Variants in SDHAF3 observed in about 807,000 individuals in gnomAD.
SDHAF3 encodes the protein succinate dehydrogenase assembly factor 3, mitochondrial.
SDHAF3 carries 18 observed loss-of-function variants against 11.5 expected under a neutral mutation model. The observed-to-expected ratio is 1.56, with a 90% CI of 1.08 to 2.32. The LOEUF (loss-of-function observed/expected upper bound fraction) is 2.32. SDHAF3 is among the 30% of genes most tolerant of loss of function. The pLI is 0.00. For synonymous variants in SDHAF3, 72 were observed against 59.3 expected, an observed-to-expected ratio of 1.21 and a Z score of -0.99; for missense variants, 200 against 154.4, an observed-to-expected ratio of 1.30 and a Z score of -1.57.
chr7:97,141,175 C>G (rs1223786247), intron 1 of SDHAF3, among the ~76,000 whole-genome samples: 1 of 152,156 alleles, frequency 6.6e-6, no homozygotes. Context: ...CGGTTGTCTG[C>G]TCTCAAACAC....
intron 1 of SDHAF3, among the ~76,000 whole-genome samples, chr7:97,118,260 T>C (rs1178204257): frequency 6.6e-6 from 1 of 152,230 alleles, no homozygotes; most frequent in Non-Finnish European, 1.5e-5. Flanking sequence ...AATAAATTAA[T>C]GGTTCTCTTA....
chr7:97,157,687 A>G (rs1044122625), intron 1 of SDHAF3, among the ~76,000 whole-genome samples: 1 of 152,156 alleles, frequency 6.6e-6, no homozygotes, highest in East Asian at 1.9e-4. Flanking sequence ...TTGTGGCACT[A>G]TTCACAATAG....
At chr7:97,151,658 C>G (rs1789225637) in intron 1 of SDHAF3, among the ~76,000 whole-genome samples, 1 of 152,022 alleles carries the variant, frequency 6.6e-6, no homozygotes, top group Non-Finnish European at 1.5e-5. Flanking sequence ...GCCACCATGC[C>G]TGGCTAATTT....
chr7:97,126,342 C>T (rs928694517), intron 1 of SDHAF3, among the ~76,000 whole-genome samples: 4 of 152,238 alleles, frequency 2.6e-5, no homozygotes, highest in Non-Finnish European at 5.9e-5. Flanking sequence ...TGCGAAAGCC[C>T]TCCTTGTCAG....
chr7:97,122,171 T>C (rs1791511673), intron 1 of SDHAF3, among the ~76,000 whole-genome samples: 1 of 152,174 alleles, frequency 6.6e-6, no homozygotes, highest in African/African-American at 2.4e-5. Flanking sequence ...AGTATGACTT[T>C]TTTCCAGGAA....
chr7:97,117,974 T>G lies in SDHAF3; in HGVS notation c.174+77T>G. 1.9e-6 allele frequency: 3 copies of G among 1,546,056 alleles called. No homozygotes were observed. The South Asian group carries it at 3.6e-5, about 19-fold the overall frequency. ...CCAGGTTTCTAGTTCCAGTCCCCCA[T>G]GCGGGGTTAAACAGAGCAGCAACCT... On this transcript the variant is annotated intron_variant, in intron 1 of 1. Transcript: ENST00000432641.
intron 1 of SDHAF3, among the ~76,000 whole-genome samples, chr7:97,152,867 A>T (rs1245487501): frequency 3.9e-5 from 6 of 152,140 alleles, no homozygotes; most frequent in Non-Finnish European, 8.8e-5. Flanking sequence ...CATCTTGGCC[A>T]GTCTTGAACT....
At chr7:97,172,890 A>C (rs955893695) in intron 1 of SDHAF3, among the ~76,000 whole-genome samples, 3 of 152,266 alleles carry the variant, frequency 2.0e-5, no homozygotes, top group African/African-American at 7.2e-5. Flanking sequence ...GCTTTATCAA[A>C]GAACTGTAAG....
rs952997466 is a variant in SDHAF3, at chr7:97,117,897, G to T, written c.174G>T (p.Glu58Asp). Residue 58 changes from glutamate to aspartate, a missense_variant and splice_region_variant, in exon 1 of 2, where the codon GAG (glutamate) becomes GAT (aspartate). Glu to Asp is a conservative substitution (Grantham distance 45). Coordinates refer to ENST00000432641, the MANE Select transcript of SDHAF3 (RefSeq NM_020186.3). ...DEAQRFLQEW[E>D]VYATALLQQA... ...CACAGCGTTTCTTGCAAGAATGGGAGGCAAGTGACGCTCCCTTCTCTTTGC... is the reference window on the plus strand; with the variant it reads ...CACAGCGTTTCTTGCAAGAATGGGATGCAAGTGACGCTCCCTTCTCTTTGC... The T allele has an allele frequency of 6.2e-7, 1 of 1,613,740 alleles. No homozygotes were observed. Among genetic ancestry groups the T allele is most frequent in the Non-Finnish European group, 8.5e-7 (1 of 1,179,766 alleles).
chr7:97,156,365 G>A (rs1395026290), intron 1 of SDHAF3, among the ~76,000 whole-genome samples: 4 of 152,156 alleles, frequency 2.6e-5, no homozygotes, highest in African/African-American at 7.2e-5. Context: ...CATATCAGGT[G>A]TACATTATTG....
chr7:97,137,868 CTTTTTTTTT>C (rs11381462), intron 1 of SDHAF3, among the ~76,000 whole-genome samples: 1 of 69,108 alleles, frequency 1.4e-5, no homozygotes, highest in African/African-American at 6.1e-5. Context: ...ATTCCATTCG[CTTTTTTTTT>C]TTTTTTTTTT....
chr7:97,153,513 G>A (rs1352918160), intron 1 of SDHAF3, among the ~76,000 whole-genome samples: 1 of 152,152 alleles, frequency 6.6e-6, no homozygotes, highest in African/African-American at 2.4e-5. Flanking sequence ...GTAAACATCC[G>A]TTTGCAGGGT....
intron 1 of SDHAF3, among the ~76,000 whole-genome samples, chr7:97,176,929 A>G (rs1374105878): frequency 6.6e-6 from 1 of 152,174 alleles, no homozygotes; most frequent in East Asian, 1.9e-4. Flanking sequence ...AAATATTAAA[A>G]GGTACAGCTA....
chr7:97,156,686 C>T (rs1179465185), intron 1 of SDHAF3, among the ~76,000 whole-genome samples: 1 of 152,094 alleles, frequency 6.6e-6, no homozygotes, highest in Non-Finnish European at 1.5e-5. Context: ...GTTCTTCCCT[C>T]ATATTATTTA....
At chr7:97,124,732 C>T (rs1005751551) in intron 1 of SDHAF3, among the ~76,000 whole-genome samples, 1 of 152,074 alleles carries the variant, frequency 6.6e-6, no homozygotes, top group African/African-American at 2.4e-5. Context: ...AGTTGTATTT[C>T]TAGGTATTTT....
intron 1 of SDHAF3, chr7:97,136,492 T>C (rs916773584): frequency 1.6e-6 from 1 of 612,068 alleles, no homozygotes. Flanking sequence ...CCAGATTATT[T>C]TAGTTCCACT....
At chr7:97,135,938 C>T (rs551361422) in intron 1 of SDHAF3, among the ~76,000 whole-genome samples, 93 of 151,904 alleles carry the variant, frequency 6.1e-4, no homozygotes, top group African/African-American at 2.0e-3. Context: ...CCGCCCGCCT[C>T]GGCCTCCCAA....
intron 1 of SDHAF3, among the ~76,000 whole-genome samples, chr7:97,149,421 A>G (rs774996498): frequency 3.9e-5 from 6 of 152,172 alleles, no homozygotes; most frequent in Non-Finnish European, 7.4e-5. Flanking sequence ...CAAACAATAC[A>G]TAGTTGCAGA....
intron 1 of SDHAF3, among the ~76,000 whole-genome samples, chr7:97,123,744 C>T (rs1791533423): frequency 6.6e-6 from 1 of 150,416 alleles, no homozygotes; most frequent in African/African-American, 2.4e-5. Context: ...CTCTAATGAC[C>T]AGTGATGATG....
Sources: allele counts gnomAD v4.1 joint callset (sites outside exome capture counted in the v4.1 genomes callset), GRCh38; gene constraint gnomAD v4.1.1; transcripts MANE v1.5; gene names NCBI Gene and HGNC (gene_info 2026-07-23, HGNC 2026-07-21).